The following DPP10 variants were observed in gnomAD, a reference collection of about 807,000 sequenced individuals.
DPP10 encodes the protein dipeptidyl peptidase like 10, also known as inactive dipeptidyl peptidase 10.
A neutral mutation model predicts 120.9 loss-of-function variants in DPP10; 33 were observed. The ratio of observed to expected loss-of-function variants is 0.27; its 90% confidence interval spans 0.21 to 0.37. DPP10 has a LOEUF of 0.37. Among genes scored for constraint, DPP10 ranks in the 10% least tolerant of loss-of-function variants. The pLI, the probability that DPP10 is intolerant of heterozygous loss-of-function variation, is 1.00. For missense variants in DPP10, 816 were observed against 942.8 expected (o/e 0.87, Z 1.76); for synonymous variants, 337 against 326.1 (o/e 1.03, Z -0.36).
At chr2:115,106,996 A>T (rs1270816124) in intron 1 of DPP10, among the ~76,000 whole-genome samples, 2 of 150,498 alleles carry the variant, frequency 1.3e-5, no homozygotes, top group African/African-American at 4.9e-5. Context: ...AATGACGTGA[A>T]CCCGGGAGGC....
At chr2:114,520,827 A>G (rs564517510) in intron 1 of DPP10, among the ~76,000 whole-genome samples, 2 of 152,340 alleles carry the variant, frequency 1.3e-5, no homozygotes, top group Admixed American at 6.5e-5. Flanking sequence ...GTGAACCAAG[A>G]TGATCCAAAG....
chr2:114,539,848 A>G (rs1402736163), intron 1 of DPP10, among the ~76,000 whole-genome samples: 1 of 152,204 alleles, frequency 6.6e-6, no homozygotes, highest in Non-Finnish European at 1.5e-5. Context: ...AAGCACATTG[A>G]CATAGCCATA....
intron 1 of DPP10, among the ~76,000 whole-genome samples, chr2:114,623,514 A>C (rs1206599898): frequency 2.0e-5 from 3 of 152,120 alleles, no homozygotes; most frequent in African/African-American, 7.2e-5. Context: ...ATTTTTATAA[A>C]ACAGACTTTC....
At chr2:115,061,280 T>G (rs1157125468) in intron 1 of DPP10, among the ~76,000 whole-genome samples, 1 of 152,246 alleles carries the variant, frequency 6.6e-6, no homozygotes, top group Non-Finnish European at 1.5e-5. Context: ...ATATTTTGAC[T>G]ATTCGTTATT....
At chr2:115,523,829 C>G (rs558370437) in intron 4 of DPP10, among the ~76,000 whole-genome samples, 3 of 152,064 alleles carry the variant, frequency 2.0e-5, no homozygotes, top group Non-Finnish European at 2.9e-5. Flanking sequence ...AACTTGCAGA[C>G]CACATGGTAG....
intron 1 of DPP10, among the ~76,000 whole-genome samples, chr2:114,758,481 C>T (rs536157012): frequency 3.9e-5 from 6 of 152,276 alleles, no homozygotes; most frequent in South Asian, 2.1e-4. Context: ...CTCCTCATTG[C>T]GTAGCTTCTG....
chr2:114,543,231 G>T (rs1687091206), intron 1 of DPP10, among the ~76,000 whole-genome samples: 1 of 151,986 alleles, frequency 6.6e-6, no homozygotes, highest in Non-Finnish European at 1.5e-5. Context: ...AAATCACTTG[G>T]CTGCTCTTTG....
intron 1 of DPP10, among the ~76,000 whole-genome samples, chr2:114,468,839 A>G (rs1679652796): frequency 6.6e-6 from 1 of 152,214 alleles, no homozygotes. Flanking sequence ...TAATGAAATC[A>G]TATCATTGAA....
intron 3 of DPP10, among the ~76,000 whole-genome samples, chr2:115,432,659 T>TTGCGTG (rs1553600327): frequency 6.5e-5 from 9 of 137,672 alleles, no homozygotes; most frequent in Non-Finnish European, 1.3e-4. Flanking sequence ...ATAGGCAATT[T>TTGCGTG]TGTGTGTGTG....
At chr2:115,470,328 A>C (rs1310591754) in intron 3 of DPP10, among the ~76,000 whole-genome samples, 1 of 152,136 alleles carries the variant, frequency 6.6e-6, no homozygotes, top group African/African-American at 2.4e-5. Context: ...GGACAACCCA[A>C]CGTTTTAATG....
chr2:114,532,195 G>A (rs1392195362), intron 1 of DPP10, among the ~76,000 whole-genome samples: 1 of 146,554 alleles, frequency 6.8e-6, no homozygotes, highest in Non-Finnish European at 1.5e-5. Flanking sequence ...CTTGCAGAGA[G>A]CAGACTGTGG....
intron 1 of DPP10, among the ~76,000 whole-genome samples, chr2:114,529,913 C>A (rs1685821225): frequency 6.6e-6 from 1 of 152,096 alleles, no homozygotes; most frequent in African/African-American, 2.4e-5. Flanking sequence ...CATCATTTAG[C>A]TCCCACTTAC....
intron 1 of DPP10, among the ~76,000 whole-genome samples, chr2:115,152,658 T>C (rs1395496717): frequency 6.6e-6 from 1 of 152,220 alleles, no homozygotes; most frequent in Non-Finnish European, 1.5e-5. Context: ...TTATTATGTC[T>C]ATTCAGTTCA....
chr2:114,990,399 TATCTATCTA>T (rs1308492012), intron 1 of DPP10, among the ~76,000 whole-genome samples: 2 of 142,938 alleles, frequency 1.4e-5, no homozygotes, highest in Non-Finnish European at 3.1e-5. Context: ...ATCTATCTAT[TATCTATCTA>T]ATCTATCTAT....
chr2:115,484,650 G>A (rs2075656005), intron 3 of DPP10, among the ~76,000 whole-genome samples: 1 of 152,092 alleles, frequency 6.6e-6, no homozygotes, highest in Non-Finnish European at 1.5e-5. Context: ...AAGCTTGTCT[G>A]AATGGAGCCA....
chr2:114,694,190 C>T (rs1361228454), intron 1 of DPP10, among the ~76,000 whole-genome samples: 1 of 151,832 alleles, frequency 6.6e-6, no homozygotes, highest in Non-Finnish European at 1.5e-5. Context: ...AATAAAAATA[C>T]CCTCCTCATA....
intron 10 of DPP10, among the ~76,000 whole-genome samples, chr2:115,748,231 T>G (rs1373572571): frequency 6.7e-5 from 2 of 29,900 alleles, no homozygotes; most frequent in South Asian, 1.3e-3. Flanking sequence ...GTTTATGGGT[T>G]TTTTTTTTTT....
At chr2:115,763,303 T>G (rs1680328729) in intron 12 of DPP10, among the ~76,000 whole-genome samples, 1 of 152,152 alleles carries the variant, frequency 6.6e-6, no homozygotes, top group African/African-American at 2.4e-5. Context: ...CCACCCATAT[T>G]TTGAGACCTT....
intron 3 of DPP10, among the ~76,000 whole-genome samples, chr2:115,496,386 A>G (rs1280689841): frequency 6.6e-6 from 1 of 152,058 alleles, no homozygotes; most frequent in Admixed American, 6.6e-5. Context: ...AATTCTCTGT[A>G]GATTTTTCTC....
Sources: gnomAD v4.1 joint callset for allele counts (sites outside exome capture counted in the v4.1 genomes callset) on GRCh38, gnomAD v4.1.1 for gene constraint, MANE v1.5 for transcripts, NCBI Gene and HGNC (gene_info 2026-07-23, HGNC 2026-07-21) for gene names.